The following SULT2B1 variants were observed in gnomAD, a reference collection of about 807,000 sequenced individuals.
SULT2B1 encodes the protein sulfotransferase 2B1.
SULT2B1 carries 16 observed loss-of-function variants against 33.2 expected under a neutral mutation model. The observed-to-expected ratio is 0.48, with a 90% confidence interval of 0.33 to 0.73. The LOEUF is 0.73. Ranked by LOEUF, SULT2B1 falls within the 30% of genes least tolerant of loss-of-function variation. The pLI is 0.02. For synonymous variants in SULT2B1, 186 were observed against 200.5 expected (o/e 0.93, Z 0.61); for missense variants, 500 against 506.0 (o/e 0.99, Z 0.11).
At chr19:48,578,960 C>G (rs1407432189) in intron 2 of SULT2B1, among the ~76,000 whole-genome samples, 2 of 151,996 alleles carry the variant, frequency 1.3e-5, no homozygotes, top group African/African-American at 4.8e-5. Context: ...CATCACCTCC[C>G]AATCCTCATA....
Position 48,587,450 on chromosome 19 carries a change from G to A in SULT2B1, c.423+13G>A. 6.2e-7 allele frequency: 1 copy of A among 1,614,036 alleles called. No individual in the cohort carries two copies. The highest frequency in any genetic ancestry group is 8.5e-7 in the Non-Finnish European group (1 of 1,179,970). On this transcript the variant is annotated intron_variant, in intron 3 of 6. Transcript: ENST00000201586. ...CTCCAAGGCCAAGGTTGGGAGGAGG[G>A]GTGTGTGTCAGTTGGGAGGGGCTGC...
At chr19:48,573,109 A>T (rs901428963) in intron 1 of SULT2B1, among the ~76,000 whole-genome samples, 3 of 150,512 alleles carry the variant, frequency 2.0e-5, no homozygotes, top group African/African-American at 7.4e-5. Flanking sequence ...GTGAGCCGAG[A>T]TCGTGTCACT....
chr19:48,588,562 T>A lies in SULT2B1; in HGVS notation c.423+1125T>A, dbSNP rs572102601. Among the ~76,000 whole-genome samples, 4 of 149,546 alleles carry A rather than the reference T, an allele frequency of 2.7e-5. No individual in the cohort carries two copies. In the South Asian group the frequency reaches 8.3e-4, roughly 31 times the overall value. ...ACTACATATTATAATAATTTAATAGTATTACAATATACTTTAATTATATTT... is the reference window on the plus strand; with the variant it reads ...ACTACATATTATAATAATTTAATAGAATTACAATATACTTTAATTATATTT... On this transcript the variant is annotated intron_variant, in intron 3 of 6. Transcript: ENST00000201586.
At chr19:48,585,336 C>G (rs1218228404) in intron 2 of SULT2B1, among the ~76,000 whole-genome samples, 1 of 152,058 alleles carries the variant, frequency 6.6e-6, no homozygotes, top group Non-Finnish European at 1.5e-5. Context: ...AGGTCCCTTT[C>G]CACTAGGTAA....
chr19:48,569,028 A>C (rs1973281883), intron 1 of SULT2B1, among the ~76,000 whole-genome samples: 2 of 152,126 alleles, frequency 1.3e-5, no homozygotes. Flanking sequence ...TAGATAAATG[A>C]CAAATTTTAG....
rs750876929 is a variant in SULT2B1 at position 48,552,336 on chromosome 19, C to T, written c.71+13C>T. On this transcript the variant is annotated intron_variant, in intron 1 of 6. Transcript: ENST00000201586. The surrounding 1 kb of genome is among the most constrained non-coding windows in gnomAD (Gnocchi z 4.8). ...TCTCGGAAATCAGGTGAGGCCCAGA[C>T]CTGGGCAGGAGCCAGGAGATCCCAG... is the stretch of plus-strand genomic sequence containing the variant. The T allele has an allele frequency of 3.1e-6, 5 of 1,613,626 alleles. No individual in the cohort carries two copies. In the East Asian group the frequency reaches 8.9e-5, roughly 29 times the overall value.
At chr19:48,567,655 C>CT (rs1236260602) in intron 1 of SULT2B1, among the ~76,000 whole-genome samples, 1 of 151,974 alleles carries the variant, frequency 6.6e-6, no homozygotes, top group Non-Finnish European at 1.5e-5. Flanking sequence ...AGCTCTCCTG[C>CT]TAGTGAGGAA....
intron 6 of SULT2B1, among the ~76,000 whole-genome samples, chr19:48,598,153 A>T (rs1973745401): frequency 6.6e-6 from 1 of 152,200 alleles, no homozygotes. Flanking sequence ...CACCCCAGGG[A>T]ACCCCTCCCC....
At chr19:48,579,361 C>A (rs1472722292) in intron 2 of SULT2B1, among the ~76,000 whole-genome samples, 3 of 150,302 alleles carry the variant, frequency 2.0e-5, no homozygotes, top group African/African-American at 7.3e-5. Context: ...TGGCTCACTG[C>A]AAACTCCGCC....
intron 2 of SULT2B1, among the ~76,000 whole-genome samples, chr19:48,576,357 C>CTTTTTTTTTT (rs59055065): frequency 3.3e-4 from 38 of 114,862 alleles, no homozygotes; most frequent in Non-Finnish European, 4.8e-4. Flanking sequence ...CCCTCTACTT[C>CTTTTTTTTTT]TCTTTTTTTT....
intron 2 of SULT2B1, among the ~76,000 whole-genome samples, chr19:48,586,675 C>G (rs8112135): frequency 0.19 from 28,968 of 152,198 alleles, 3,534 homozygotes; most frequent in African/African-American, 0.34. Context: ...CCCTGCACCA[C>G]TTTCCTAGCT....
intron 1 of SULT2B1, among the ~76,000 whole-genome samples, chr19:48,561,344 G>A (rs894416644): frequency 2.7e-5 from 4 of 149,436 alleles, no homozygotes; most frequent in African/African-American, 7.4e-5. Context: ...CAGGAGACTC[G>A]CTTGAACCCG....
At chr19:48,561,361 A>G (rs562532711) in intron 1 of SULT2B1, among the ~76,000 whole-genome samples, 4 of 151,904 alleles carry the variant, frequency 2.6e-5, no homozygotes, top group Admixed American at 6.6e-5. Flanking sequence ...CCCGGGAGGC[A>G]GAGGTTGCAG....
At chr19:48,587,582 A>G in intron 3 of SULT2B1, 145 bp downstream of exon 3, 1 of 916,750 alleles carries the variant, frequency 1.1e-6, no homozygotes, top group Non-Finnish European at 1.7e-6. Context: ...CACAGTGGTC[A>G]ATATACACAC....
rs898645774 is a variant in SULT2B1 at position 48,587,856 on chromosome 19, G to T, written c.423+419G>T. On this transcript the variant is annotated intron_variant, in intron 3 of 6. Transcript: ENST00000201586. ...TGCACTGAGCTGAAATCACCTTACT[G>T]CACTCCATCCTAGGCAACAGGGCAA... 3.4e-5 allele frequency among the ~76,000 whole-genome samples: 4 copies of T among 116,846 alleles called. No homozygotes were observed. The Admixed American group carries it at 5.1e-4, about 15-fold the overall frequency. The allele number at this position is 116,846 out of a possible 152,430, so 76.7% of individuals were successfully genotyped here. A position where few individuals can be genotyped will look rare whatever the true frequency, so the allele number is the denominator to read the frequency against.
intron 5 of SULT2B1, chr19:48,596,187 A>G: frequency 6.7e-6 from 1 of 150,200 alleles, no homozygotes. Context: ...GACACAGAGG[A>G]GGGGATATGG....
At chr19:48,572,758 G>A (rs1973347505) in intron 1 of SULT2B1, among the ~76,000 whole-genome samples, 1 of 152,064 alleles carries the variant, frequency 6.6e-6, no homozygotes, top group African/African-American at 2.4e-5. Flanking sequence ...CCCACAGGGA[G>A]AGGAGAAGGC....
At chr19:48,570,254 A>C (rs1267124888) in intron 1 of SULT2B1, among the ~76,000 whole-genome samples, 1 of 150,062 alleles carries the variant, frequency 6.7e-6, no homozygotes, top group African/African-American at 2.5e-5. Context: ...ATCTGGGCTC[A>C]CTGCAACCTC....
chr19:48,597,573 G>A (rs1448730184), intron 6 of SULT2B1, among the ~76,000 whole-genome samples: 1 of 151,766 alleles, frequency 6.6e-6, no homozygotes, highest in African/African-American at 2.4e-5. Flanking sequence ...TCAATCTCCT[G>A]ACCTTGTGAT....
Sources: allele counts gnomAD v4.1 joint callset (sites outside exome capture counted in the v4.1 genomes callset), GRCh38; gene constraint gnomAD v4.1.1; non-coding constraint Gnocchi (gnomAD v3.1); transcripts MANE v1.5; gene names NCBI Gene and HGNC (gene_info 2026-07-23, HGNC 2026-07-21).